The following KCND2 variants were observed in gnomAD, a reference collection of about 807,000 sequenced individuals.
KCND2 encodes A-type voltage-gated potassium channel KCND2.
KCND2 carries 16 observed loss-of-function variants against 54.4 expected under a neutral mutation model. The observed-to-expected ratio is 0.29, with a 90% CI of 0.20 to 0.45. The LOEUF (loss-of-function observed/expected upper bound fraction) is 0.45. Ranked by LOEUF, KCND2 falls within the 20% of genes least tolerant of loss-of-function variation. KCND2 has a pLI of 1.00. For synonymous variants in KCND2, 317 were observed against 310.7 expected, an observed-to-expected ratio of 1.02 and a Z score of -0.21; for missense variants, 486 against 824.2, an observed-to-expected ratio of 0.59 and a Z score of 5.02.
chr7:120,639,716 C>T (rs1452941169), intron 1 of KCND2, among the ~76,000 whole-genome samples: 1 of 152,136 alleles, frequency 6.6e-6, no homozygotes, highest in Non-Finnish European at 1.5e-5. Context: ...CTTGCCCATT[C>T]TTAAAGCCGA....
rs558893526 is a variant in KCND2, at chr7:120,670,014, G to T, written c.1116-62889G>T. Among the ~76,000 whole-genome samples, 200 of 152,150 alleles carry T rather than the reference G, an allele frequency of 1.3e-3. 7 individuals carry two copies. Among genetic ancestry groups the T allele is most frequent in the Non-Finnish European group, 1.7e-3 (118 of 67,950 alleles). On this transcript the variant is annotated intron_variant, in intron 1 of 5. Coordinates refer to ENST00000331113, the MANE Select transcript of KCND2 (RefSeq NM_012281.3). ...CAGGACCATAGTCTTCTTGAACTTA[G>T]AGGGGGTGAGGGATAAAAGGCTACA...
At chr7:120,666,451 A>G (rs1215619941) in intron 1 of KCND2, among the ~76,000 whole-genome samples, 1 of 151,926 alleles carries the variant, frequency 6.6e-6, no homozygotes, top group Admixed American at 6.6e-5. Context: ...TCTAGTATGA[A>G]CATAATACAA....
intron 1 of KCND2, among the ~76,000 whole-genome samples, chr7:120,328,940 A>G (rs867841967): frequency 2.0e-4 from 31 of 152,156 alleles, no homozygotes; most frequent in African/African-American, 7.2e-4. Context: ...TTTGGGAAAT[A>G]CCATAAAAAT....
intron 1 of KCND2, among the ~76,000 whole-genome samples, chr7:120,351,185 ATTATATT>A (rs1258990645): frequency 1.3e-5 from 2 of 148,230 alleles, no homozygotes; most frequent in Non-Finnish European, 3.0e-5. Flanking sequence ...TATATTGCAA[ATTATATT>A]TTATATTTTA....
intron 1 of KCND2, among the ~76,000 whole-genome samples, chr7:120,316,929 G>A (rs1204053095): frequency 6.6e-6 from 1 of 151,664 alleles, no homozygotes; most frequent in African/African-American, 2.4e-5. Context: ...TCTGCCTCCC[G>A]GGTTCAAGCG....
chr7:120,459,023 A>G (rs994749143), intron 1 of KCND2, among the ~76,000 whole-genome samples: 50 of 151,984 alleles, frequency 3.3e-4, no homozygotes, highest in Admixed American at 9.2e-4. Context: ...GTCTCCTACT[A>G]TCCTTCCATA....
intron 1 of KCND2, among the ~76,000 whole-genome samples, chr7:120,317,669 C>T (rs570795528): frequency 3.9e-5 from 6 of 152,248 alleles, no homozygotes; most frequent in Middle Eastern, 3.4e-3. Flanking sequence ...ATACTTCATC[C>T]GCATTTGATT....
chr7:120,494,656 C>G (rs1802825853), intron 1 of KCND2, among the ~76,000 whole-genome samples: 1 of 152,074 alleles, frequency 6.6e-6, no homozygotes, highest in African/African-American at 2.4e-5. Context: ...CTGTGAAATC[C>G]AGATGATTTT....
At chr7:120,685,745 G>T (rs1022101920) in intron 1 of KCND2, among the ~76,000 whole-genome samples, 3 of 152,116 alleles carry the variant, frequency 2.0e-5, no homozygotes, top group African/African-American at 7.2e-5. Flanking sequence ...AATGAAGAAA[G>T]AAAAGTTATC....
intron 1 of KCND2, among the ~76,000 whole-genome samples, chr7:120,295,347 AACACACACACACACACACACACAC>A (rs56748699): frequency 1.4e-5 from 2 of 141,400 alleles, no homozygotes; most frequent in Non-Finnish European, 1.6e-5. Flanking sequence ...GTCATAGAGT[AACACACACACACACACACACACAC>A]ACACACACAC....
At chr7:120,338,776 G>T (rs1463102063) in intron 1 of KCND2, among the ~76,000 whole-genome samples, 1 of 151,798 alleles carries the variant, frequency 6.6e-6, no homozygotes, top group Non-Finnish European at 1.5e-5. Context: ...GGTTTATTTG[G>T]CAAACATATA....
At chr7:120,289,135 T>C (rs914971296) in intron 1 of KCND2, among the ~76,000 whole-genome samples, 5 of 145,492 alleles carry the variant, frequency 3.4e-5, no homozygotes, top group South Asian at 2.2e-4. Context: ...GTGAGGGGGG[T>C]AAAGAGATGA....
intron 3 of KCND2, 80 bp from the exon 4 acceptor site, chr7:120,742,429 CT>C (rs1424975576): frequency 9.2e-7 from 1 of 1,091,708 alleles, no homozygotes; most frequent in Non-Finnish European, 1.4e-6. Flanking sequence ...TAGAGCAGAT[CT>C]CTCTGTGGAA....
chr7:120,361,219 A>T (rs573668812), intron 1 of KCND2, among the ~76,000 whole-genome samples: 12 of 152,188 alleles, frequency 7.9e-5, no homozygotes, highest in African/African-American at 2.4e-4. Context: ...TAACCTTGAA[A>T]AAAAGGGGCT....
At chr7:120,449,570 A>G (rs1471087384) in intron 1 of KCND2, among the ~76,000 whole-genome samples, 2 of 152,226 alleles carry the variant, frequency 1.3e-5, no homozygotes, top group Non-Finnish European at 2.9e-5. Flanking sequence ...TTGAAAATAC[A>G]TCTTCATTTA....
intron 1 of KCND2, among the ~76,000 whole-genome samples, chr7:120,526,861 A>G (rs1186603589): frequency 6.6e-6 from 1 of 152,028 alleles, no homozygotes; most frequent in African/African-American, 2.4e-5. Context: ...ATTAATTTTC[A>G]GAAGGAAAAT....
intron 1 of KCND2, among the ~76,000 whole-genome samples, chr7:120,331,774 A>G (rs1800072596): frequency 6.6e-6 from 1 of 152,050 alleles, no homozygotes; most frequent in East Asian, 1.9e-4. Context: ...CTTTGTGGCT[A>G]ACTTGAAATT....
At chr7:120,293,529 C>G (rs1287684165) in intron 1 of KCND2, among the ~76,000 whole-genome samples, 1 of 151,818 alleles carries the variant, frequency 6.6e-6, no homozygotes, top group African/African-American at 2.4e-5. Context: ...TTGATGAAGC[C>G]TATTAAGACA....
intron 1 of KCND2, among the ~76,000 whole-genome samples, chr7:120,447,255 G>A (rs1802030144): frequency 6.6e-6 from 1 of 150,714 alleles, no homozygotes; most frequent in Non-Finnish European, 1.5e-5. Flanking sequence ...TGACATTCAC[G>A]TTCTTAGTCT....
Sources: gnomAD v4.1 joint callset for allele counts (sites outside exome capture counted in the v4.1 genomes callset) on GRCh38, gnomAD v4.1.1 for gene constraint, MANE v1.5 for transcripts, NCBI Gene and HGNC (gene_info 2026-07-23, HGNC 2026-07-21) for gene names.